PIBF1: variants seen among roughly 807,000 people sequenced by gnomAD.
The protein encoded by PIBF1 is progesterone-induced-blocking factor 1.
Under a neutral mutation model 112.5 loss-of-function variants are expected in PIBF1, and 90 were observed. The observed-to-expected ratio is 0.80, with a 90% CI of 0.67 to 0.95. PIBF1 has a LOEUF of 0.95. Among genes scored for constraint, PIBF1 ranks in the 40% least tolerant of loss-of-function variants. PIBF1 has a pLI of 0.00. For synonymous variants in PIBF1, 301 were observed against 288.6 expected, an observed-to-expected ratio of 1.04 and a Z score of -0.44; for missense variants, 915 against 852.3, an observed-to-expected ratio of 1.07 and a Z score of -0.92.
intron 12 of PIBF1, among the ~76,000 whole-genome samples, chr13:72,909,292 A>G (rs2040816395): frequency 6.6e-6 from 1 of 152,184 alleles, no homozygotes; most frequent in African/African-American, 2.4e-5. Flanking sequence ...GTTCATGGAA[A>G]TAATTCCCGT....
intron 12 of PIBF1, among the ~76,000 whole-genome samples, chr13:72,915,736 A>G (rs1014020425): frequency 6.6e-6 from 1 of 152,122 alleles, no homozygotes; most frequent in Non-Finnish European, 1.5e-5. Flanking sequence ...TCAACTAATA[A>G]TTCTTCCTCA....
intron 14 of PIBF1, among the ~76,000 whole-genome samples, chr13:72,957,207 G>A (rs934454044): frequency 7.2e-5 from 11 of 152,110 alleles, no homozygotes; most frequent in Admixed American, 2.0e-4. Flanking sequence ...AAAGATACTT[G>A]CACACTCATA....
chr13:72,888,830 A>AAAC (rs2039953904), intron 10 of PIBF1, among the ~76,000 whole-genome samples: 1 of 151,798 alleles, frequency 6.6e-6, no homozygotes, highest in Non-Finnish European at 1.5e-5. Flanking sequence ...TGTTTAAAAA[A>AAAC]AAACAAACCT....
chr13:72,853,680 T>G (rs1426210017), intron 9 of PIBF1, among the ~76,000 whole-genome samples: 2 of 152,210 alleles, frequency 1.3e-5, no homozygotes, highest in Non-Finnish European at 1.5e-5. Context: ...CAATATATCT[T>G]TCACTTAAAA....
At chr13:72,976,067 G>A (rs1446465882) in intron 16 of PIBF1, among the ~76,000 whole-genome samples, 1 of 152,152 alleles carries the variant, frequency 6.6e-6, no homozygotes, top group African/African-American at 2.4e-5. Flanking sequence ...ACTTTGCGTG[G>A]TGGATTGAGA....
Position 72,915,439 on chromosome 13 carries a change from C to G in PIBF1, c.1640-1637C>G, listed in dbSNP as rs2041053207. On this transcript the variant is annotated intron_variant, in intron 12 of 17. Coordinates refer to ENST00000326291, the MANE Select transcript of PIBF1 (RefSeq NM_006346.4). The stretch of plus-strand genomic sequence containing the variant: ...ATAATACATTGTTTCTGTAATTAAT[C>G]CCTGCTAGAATAGTTATCCCATGAT... Among the ~76,000 whole-genome samples the G allele has an allele frequency of 1.3e-5, 2 of 152,168 alleles. 1 individual carries two copies. Among genetic ancestry groups the G allele is most frequent in the Admixed American group, 1.3e-4 (2 of 15,286 alleles).
chr13:72,919,032 A>G (rs1006741288), intron 13 of PIBF1, among the ~76,000 whole-genome samples: 1 of 151,886 alleles, frequency 6.6e-6, no homozygotes, highest in African/African-American at 2.4e-5. Flanking sequence ...TTTATTTTTC[A>G]CTTTCTCTAT....
intron 16 of PIBF1, among the ~76,000 whole-genome samples, chr13:72,986,639 C>G (rs75864382): frequency 1.4e-5 from 2 of 146,456 alleles, no homozygotes; most frequent in Admixed American, 6.8e-5. Context: ...AGCCTTCAGT[C>G]ATAGATAGGG....
chr13:72,804,534 C>T (rs2035630595), intron 5 of PIBF1, among the ~76,000 whole-genome samples: 1 of 152,108 alleles, frequency 6.6e-6, no homozygotes, highest in South Asian at 2.1e-4. Flanking sequence ...GGCAGGACGC[C>T]TGTCACCTTA....
chr13:72,836,242 G>A (rs1229680387), intron 9 of PIBF1: 13 of 331,526 alleles, frequency 3.9e-5, no homozygotes, highest in South Asian at 1.7e-4. Context: ...TTTTTATACC[G>A]TTATTATAGT....
intron 17 of PIBF1, among the ~76,000 whole-genome samples, chr13:73,004,542 T>C (rs1245899398): frequency 6.6e-6 from 1 of 151,800 alleles, no homozygotes; most frequent in African/African-American, 2.4e-5. Flanking sequence ...AAATATTTTC[T>C]AACTTGTGCT....
intron 10 of PIBF1, among the ~76,000 whole-genome samples, chr13:72,886,032 C>T (rs1291045858): frequency 6.6e-6 from 1 of 152,080 alleles, no homozygotes; most frequent in African/African-American, 2.4e-5. Context: ...ATGACTTTTA[C>T]ATCCCTTTTT....
At chr13:72,813,395 G>C (rs1026811396) in intron 5 of PIBF1, among the ~76,000 whole-genome samples, 8 of 152,166 alleles carry the variant, frequency 5.3e-5, no homozygotes, top group Non-Finnish European at 5.9e-5. Context: ...TAGTGTTCCA[G>C]TTACGTATTG....
intron 4 of PIBF1, 71 bp downstream of exon 4, chr13:72,795,628 C>G: frequency 1.0e-6 from 1 of 955,482 alleles, no homozygotes; most frequent in Non-Finnish European, 1.6e-6. Context: ...TATATAGTAG[C>G]AATTACTTTT....
intron 17 of PIBF1, among the ~76,000 whole-genome samples, chr13:73,003,933 A>G (rs1317601149): frequency 6.6e-6 from 1 of 150,486 alleles, no homozygotes; most frequent in Non-Finnish European, 1.5e-5. Context: ...CTGGTCTTGA[A>G]CTCCTGGGCT....
intron 5 of PIBF1, among the ~76,000 whole-genome samples, chr13:72,814,208 C>T (rs1252620452): frequency 1.3e-5 from 2 of 152,148 alleles, no homozygotes; most frequent in East Asian, 1.9e-4. Flanking sequence ...GAGGCTGAGG[C>T]GGGTGGATCA....
At chr13:72,829,198 A>G (rs1036176098) in intron 8 of PIBF1, among the ~76,000 whole-genome samples, 1 of 152,202 alleles carries the variant, frequency 6.6e-6, no homozygotes, top group African/African-American at 2.4e-5. Context: ...AGATGGATAG[A>G]TTGCAAAAAT....
intron 16 of PIBF1, among the ~76,000 whole-genome samples, chr13:72,984,559 C>A (rs186442240): frequency 3.9e-4 from 60 of 152,214 alleles, no homozygotes; most frequent in Admixed American, 7.8e-4. Context: ...CATTCTTACA[C>A]CCATTTCACA....
At chr13:72,890,495 T>TA (rs1347216447) in intron 10 of PIBF1, among the ~76,000 whole-genome samples, 1 of 152,164 alleles carries the variant, frequency 6.6e-6, no homozygotes, top group Admixed American at 6.6e-5. Flanking sequence ...GGTTGGGTCT[T>TA]ATGAAAACTA....
Sources: gnomAD v4.1 joint callset for allele counts (sites outside exome capture counted in the v4.1 genomes callset) on GRCh38, gnomAD v4.1.1 for gene constraint, MANE v1.5 for transcripts, NCBI Gene and HGNC (gene_info 2026-07-23, HGNC 2026-07-21) for gene names.